The following CPPED1 variants were observed in gnomAD, a reference collection of about 807,000 sequenced individuals.
CPPED1 encodes the protein serine/threonine-protein phosphatase CPPED1.
Under a neutral mutation model 28.0 loss-of-function variants are expected in CPPED1, and 28 were observed. That is an observed-to-expected ratio of 1.00 (90% confidence interval 0.74 to 1.37). CPPED1 has a LOEUF of 1.37. Among genes scored for constraint, CPPED1 ranks in the 40% most tolerant of loss-of-function variants. The probability of loss-of-function intolerance (pLI) is 0.00; values close to 1 mark genes in which losing one functional copy is unlikely to be tolerated. For missense variants in CPPED1, 504 were observed against 416.5 expected, an observed-to-expected ratio of 1.21 and a Z score of -1.83; for synonymous variants, 198 against 180.2, an observed-to-expected ratio of 1.10 and a Z score of -0.79.
chr16:12,745,109 G>C (rs7205593), intron 2 of CPPED1, among the ~76,000 whole-genome samples: 1 of 152,080 alleles, frequency 6.6e-6, no homozygotes, highest in African/African-American at 2.4e-5. Flanking sequence ...AAACACTCTC[G>C]GAGTATCAGT....
At position 12,709,812 on chromosome 16, in the gene CPPED1, C is replaced by T. The variant is rs77538685; in HGVS notation, c.290-4763G>A. Among the ~76,000 whole-genome samples the T allele has an allele frequency of 6.6e-6, 1 of 151,948 alleles. No individual in the cohort carries two copies. Among genetic ancestry groups the T allele is most frequent in the Non-Finnish European group, 1.5e-5 (1 of 67,992 alleles). ...AACAAGACAAGGAAGTCTGCTCTCA[C>T]ACTCTCACTGAACATCATACTAGAA... On this transcript the variant is annotated intron_variant, in intron 2 of 3. Transcript: ENST00000381774. This position sits in a 1 kb window ranked among gnomAD's most constrained non-coding sequence, Gnocchi z 4.4.
At chr16:12,796,842 C>CA (rs976442194) in intron 1 of CPPED1, among the ~76,000 whole-genome samples, 64 of 146,864 alleles carry the variant, frequency 4.4e-4, no homozygotes, top group Middle Eastern at 3.5e-3. Flanking sequence ...CCATCAGTGT[C>CA]AAAAAAAAAA....
At chr16:12,697,204 T>A (rs578028436) in intron 3 of CPPED1, among the ~76,000 whole-genome samples, 4 of 152,094 alleles carry the variant, frequency 2.6e-5, no homozygotes, top group Admixed American at 6.5e-5. Flanking sequence ...TTTGTATTTT[T>A]AGTAGAGATG....
At chr16:12,708,209 T>C (rs1567282338) in intron 2 of CPPED1, among the ~76,000 whole-genome samples, 1 of 152,136 alleles carries the variant, frequency 6.6e-6, no homozygotes, top group African/African-American at 2.4e-5. Context: ...CTTGTGTAGC[T>C]TTTCCAACAC....
chr16:12,723,263 T>C (rs1241461406), intron 2 of CPPED1, among the ~76,000 whole-genome samples: 1 of 152,242 alleles, frequency 6.6e-6, no homozygotes, highest in Non-Finnish European at 1.5e-5. Flanking sequence ...CAGGTGTGAC[T>C]TCTGGCTTAC....
chr16:12,746,325 G>C (rs148833082), intron 2 of CPPED1, among the ~76,000 whole-genome samples: 1 of 142,646 alleles, frequency 7.0e-6, no homozygotes, highest in Admixed American at 7.5e-5. Context: ...AGTGAGCTGA[G>C]AGTGTACCAC....
intron 2 of CPPED1, among the ~76,000 whole-genome samples, chr16:12,780,175 G>A (rs1176327567): frequency 6.6e-6 from 1 of 151,762 alleles, no homozygotes; most frequent in African/African-American, 2.4e-5. Flanking sequence ...TTTGTTTTTT[G>A]TTTGTTTGTG....
At chr16:12,722,789 C>G (rs1415191235) in intron 2 of CPPED1, among the ~76,000 whole-genome samples, 1 of 152,148 alleles carries the variant, frequency 6.6e-6, no homozygotes, top group African/African-American at 2.4e-5. Flanking sequence ...TCAGGGGTTT[C>G]TTTCTCCCAG....
At chr16:12,735,649 C>CAATATGTATAA (rs1383932718) in intron 2 of CPPED1, among the ~76,000 whole-genome samples, 2 of 152,146 alleles carry the variant, frequency 1.3e-5, no homozygotes, top group African/African-American at 4.8e-5. Flanking sequence ...TATAACTATA[C>CAATATGTATAA]CACCTGCTTC....
chr16:12,710,746 C>T (rs142164410), intron 2 of CPPED1, among the ~76,000 whole-genome samples: 527 of 152,224 alleles, frequency 3.5e-3, no homozygotes, highest in African/African-American at 8.5e-3. Flanking sequence ...GTGCCCAACA[C>T]GACTACTTAT....
chr16:12,746,353 G>T (rs187356499), intron 2 of CPPED1, among the ~76,000 whole-genome samples: 12 of 125,398 alleles, frequency 9.6e-5, no homozygotes, highest in Non-Finnish European at 1.7e-4. Flanking sequence ...CCGCCTAGGC[G>T]ACAGAGCAAG....
At chr16:12,776,736 T>A (rs1448822310) in intron 2 of CPPED1, among the ~76,000 whole-genome samples, 1 of 152,044 alleles carries the variant, frequency 6.6e-6, no homozygotes, top group Non-Finnish European at 1.5e-5. Context: ...CTGGCCAACA[T>A]GGTGAAATCC....
At chr16:12,685,231 C>T (rs1210041930) in intron 3 of CPPED1, among the ~76,000 whole-genome samples, 1 of 152,200 alleles carries the variant, frequency 6.6e-6, no homozygotes, top group Non-Finnish European at 1.5e-5. Context: ...GGACAGATCA[C>T]CTGAGGTCAG....
chr16:12,699,795 T>A (rs1356326116), intron 3 of CPPED1, among the ~76,000 whole-genome samples: 4 of 152,128 alleles, frequency 2.6e-5, no homozygotes, highest in South Asian at 2.1e-4. Flanking sequence ...AATATTGCCA[T>A]GGGGGGAAGA....
intron 3 of CPPED1, among the ~76,000 whole-genome samples, chr16:12,698,857 G>A (rs555405295): frequency 2.6e-5 from 4 of 152,238 alleles, no homozygotes; most frequent in Non-Finnish European, 5.9e-5. Flanking sequence ...AACTTTTGCG[G>A]GGAAGATCAA....
At chr16:12,706,571 A>C (rs1184302702) in intron 2 of CPPED1, among the ~76,000 whole-genome samples, 1 of 151,218 alleles carries the variant, frequency 6.6e-6, no homozygotes, top group Non-Finnish European at 1.5e-5. Context: ...AAAAAAAAAA[A>C]AAAAACTCAA....
chr16:12,776,863 G>A (rs1252481426), intron 2 of CPPED1, among the ~76,000 whole-genome samples: 1 of 152,130 alleles, frequency 6.6e-6, no homozygotes, highest in Admixed American at 6.6e-5. Flanking sequence ...AGGTTGCAAT[G>A]AGCCAAGATC....
At chr16:12,711,915 C>G (rs990298150) in intron 2 of CPPED1, among the ~76,000 whole-genome samples, 1 of 152,158 alleles carries the variant, frequency 6.6e-6, no homozygotes, top group African/African-American at 2.4e-5. Flanking sequence ...TCTAACAGCC[C>G]CCTACCCAGG....
intron 2 of CPPED1, among the ~76,000 whole-genome samples, chr16:12,773,251 G>A (rs1276253490): frequency 1.3e-5 from 2 of 152,148 alleles, no homozygotes; most frequent in Non-Finnish European, 2.9e-5. Flanking sequence ...GTCATCCTGC[G>A]TTATTCAGTG....
Sources: gnomAD v4.1 joint callset for allele counts (sites outside exome capture counted in the v4.1 genomes callset) on GRCh38, gnomAD v4.1.1 for gene constraint, Gnocchi (gnomAD v3.1) non-coding constraint, MANE v1.5 for transcripts, NCBI Gene and HGNC (gene_info 2026-07-23, HGNC 2026-07-21) for gene names.